The following DOCK6 variants were observed in gnomAD, a reference collection of about 807,000 sequenced individuals.
DOCK6 encodes dedicator of cytokinesis protein 6.
DOCK6 carries 167 observed loss-of-function variants against 230.3 expected under a neutral mutation model. The ratio of observed to expected loss-of-function variants is 0.73; its 90% CI spans 0.64 to 0.82. DOCK6 has a LOEUF of 0.82. DOCK6 is among the 40% of genes least tolerant of loss of function. The pLI, the probability that DOCK6 is intolerant of heterozygous loss-of-function variation, is 0.00. For missense variants in DOCK6, 2,598 were observed against 2,825.8 expected (o/e 0.92, Z 1.83); for synonymous variants, 1,148 against 1,185.0 (o/e 0.97, Z 0.64).
chr19:11,239,506 G>A (rs910621593), intron 14 of DOCK6: 4 of 1,133,686 alleles, frequency 3.5e-6, no homozygotes, highest in South Asian at 2.9e-5. Context: ...TGCAACTATC[G>A]CACCACTGCC....
chr19:11,214,639 C>A lies in DOCK6; in HGVS notation c.4117G>T (p.Glu1373Ter). The A allele has an allele frequency of 6.2e-7, 1 of 1,613,660 alleles. No individual in the cohort carries two copies. Among genetic ancestry groups the A allele is most frequent in the Non-Finnish European group, 8.5e-7 (1 of 1,179,794 alleles). ...TSDRVDKTKD[E>*]MEHEALVEGN... ...TCCACCAAGGCCTCGTGTTCCATTT[C>A]ATCCTTGGTCCTGGAAGGGGAAAGG... The change falls in exon 33 of 48, where the codon GAA becomes TAA. Residue 1373 changes from glutamate (E) to a stop codon, truncating the protein, a stop_gained. Transcript: ENST00000294618. LOFTEE classifies it high-confidence loss of function.
chr19:11,253,800 G>T, intron 1 of DOCK6, 74 bp from the exon 2 acceptor site: 1 of 1,076,210 alleles, frequency 9.3e-7, no homozygotes, highest in Non-Finnish European at 1.3e-6. Flanking sequence ...TTTCTATGAG[G>T]AAAATCCAGA....
chr19:11,240,001 A>G (rs1165863246), intron 14 of DOCK6: 5 of 1,549,884 alleles, frequency 3.2e-6, no homozygotes, highest in Non-Finnish European at 3.5e-6. Flanking sequence ...GTCTAGGGTA[A>G]CCAACCATCC....
At chr19:11,223,132 C>T (rs774574199) in intron 24 of DOCK6, 26 bp from the exon 25 acceptor site, 7 of 1,605,570 alleles carry the variant, frequency 4.4e-6, no homozygotes, top group African/African-American at 1.3e-5. Flanking sequence ...CCTGTCAACC[C>T]ACACACCCAA....
rs763666791 is a variant in DOCK6, at chr19:11,237,672, C to A, written c.1940G>T (p.Gly647Val). ...FYHVSCQPRP[G>V]TALETPVGFT... ...GCCCACGGGTGTCTCCAGGGCAGTG[C>A]CCGGCCGGGGCTGGCAGCTGACATG... Residue 647 changes from glycine (G) to valine (V), a missense_variant, in exon 17 of 48, where the codon GGC becomes GTC. By Grantham distance (109) the Gly-to-Val change is moderately radical. Transcript: ENST00000294618. 1 of 1,597,318 alleles carries A rather than the reference C, an allele frequency of 6.3e-7. No individual in the cohort carries two copies. The highest frequency in any genetic ancestry group is 8.5e-7 in the Non-Finnish European group (1 of 1,172,642).
intron 41 of DOCK6, 96 bp downstream of exon 41, chr19:11,203,985 A>G: frequency 2.0e-6 from 3 of 1,498,892 alleles, no homozygotes; most frequent in South Asian, 1.2e-5. Context: ...GCCAGCGGCC[A>G]TGCTCCTCTG....
chr19:11,249,110 T>G (rs1177668598), intron 6 of DOCK6, among the ~76,000 whole-genome samples: 1 of 152,312 alleles, frequency 6.6e-6, no homozygotes, highest in East Asian at 1.9e-4. Context: ...GTTCAATAGA[T>G]ATTGGTTGAT....
intron 23 of DOCK6, 109 bp from the exon 24 acceptor site, chr19:11,227,586 G>A: frequency 1.5e-6 from 2 of 1,378,488 alleles, no homozygotes; most frequent in Non-Finnish European, 2.0e-6. Flanking sequence ...GAAGGACTGT[G>A]GGTGGGGCTT....
At chr19:11,227,510 TTTGAAGGGCTGTGGGTAGGAC>T (rs1184468425) in intron 23 of DOCK6, 33 bp from the exon 24 acceptor site, 37 of 1,520,874 alleles carry the variant, frequency 2.4e-5, no homozygotes, top group African/African-American at 1.5e-4. Context: ...GTGGGTGGGA[TTTGAAGGGCTGTGGGTAGGAC>T]TTGAAGGGCT....
intron 22 of DOCK6, among the ~76,000 whole-genome samples, chr19:11,231,635 A>G (rs186066386): frequency 1.8e-4 from 27 of 152,290 alleles, no homozygotes; most frequent in African/African-American, 6.3e-4. Flanking sequence ...TGTTATCTCC[A>G]TTTTACAAAT....
At chr19:11,215,016 C>T (rs1209147035) in intron 32 of DOCK6, among the ~76,000 whole-genome samples, 6 of 151,048 alleles carry the variant, frequency 4.0e-5, no homozygotes, top group Admixed American at 3.3e-4. Context: ...GATCTCGGCT[C>T]ACTGTAAGCT....
rs529709882 is a variant in DOCK6, at chr19:11,236,034, C to T, written c.2393-275G>A. 573 of 497,820 alleles carry T rather than the reference C, an allele frequency of 1.2e-3. 1 individual carries two copies. Among genetic ancestry groups the T allele is most frequent in the Non-Finnish European group, 1.7e-3 (477 of 285,052 alleles). 30.8% of individuals were successfully genotyped at this position (497,820 alleles called of 1,614,324 possible). Reference sequence around the variant, plus strand: ...TAGCTGGGATTACAGGCATGCGCCACCACGCCCAGCTAATTTTGTATTTTT... The same window carrying T: ...TAGCTGGGATTACAGGCATGCGCCATCACGCCCAGCTAATTTTGTATTTTT... On this transcript the variant is annotated intron_variant, in intron 20 of 47. Coordinates refer to ENST00000294618, the MANE Select transcript of DOCK6 (RefSeq NM_020812.4). This position sits in a 1 kb window ranked among gnomAD's most constrained non-coding sequence, Gnocchi z 5.2.
At chr19:11,204,997 G>A (rs1254227664) in intron 39 of DOCK6, among the ~76,000 whole-genome samples, 6 of 152,160 alleles carry the variant, frequency 3.9e-5, no homozygotes, top group Non-Finnish European at 7.3e-5. Flanking sequence ...ATTCCCCAGG[G>A]CCAAGACCCA....
rs537635997 is a variant in DOCK6, at chr19:11,233,150, C to T, written c.2718+53G>A. 6.6e-5 allele frequency: 105 copies of T among 1,589,604 alleles called. 2 individuals are homozygous for T. The highest frequency in any genetic ancestry group is 6.4e-4 in the South Asian group (57 of 88,916). On this transcript the variant is annotated intron_variant, in intron 22 of 47. Coordinates refer to ENST00000294618, the MANE Select transcript of DOCK6 (RefSeq NM_020812.4). ...CATCAACAGATTCTTCGCCCACACA[C>T]GTGGCAACCACAACCACTGAGGCTG...
Position 11,202,050 on chromosome 19 carries a change from G to T in DOCK6, c.5527C>A (p.Arg1843Ser). 1.2e-6 allele frequency: 2 copies of T among 1,614,022 alleles called. No individual in the cohort carries two copies. Among genetic ancestry groups the T allele is most frequent in the Non-Finnish European group, 1.7e-6 (2 of 1,179,908 alleles). The stretch of plus-strand genomic sequence containing the variant: ...AGGAATGTGCGAAGCCCATAGTTGC[G>T]GTCAAAGTAGGTCACCCGGTCCTTG... Reference protein sequence around the residue: ...ELKDRVTYFDRNYGLRTFLFC... With the variant: ...ELKDRVTYFDSNYGLRTFLFC... Residue 1843 changes from arginine (R) to serine (S), a missense_variant, in exon 44 of 48, where the codon CGC (arginine) becomes AGC (serine). Arg to Ser is a moderately radical substitution (Grantham distance 110). Coordinates refer to ENST00000294618, the MANE Select transcript of DOCK6 (RefSeq NM_020812.4). The surrounding 1 kb of genome is among the most constrained non-coding windows in gnomAD (Gnocchi z 5.3).
At position 11,245,852 on chromosome 19, in the gene DOCK6, A is replaced by C. The variant is rs763701869; in HGVS notation, c.833T>G (p.Phe278Cys). The C allele has an allele frequency of 6.4e-7, 1 of 1,569,326 alleles. No individual in the cohort carries two copies. The highest frequency in any genetic ancestry group is 8.6e-7 in the Non-Finnish European group (1 of 1,156,694). Reference sequence around the variant, plus strand: ...CACATCATACAGAGCCAAGATCCCAAAGATGGGCTCAATTTCAATCTCGAA... The same window carrying C: ...CACATCATACAGAGCCAAGATCCCACAGATGGGCTCAATTTCAATCTCGAA... ...LKFEIEIEPI[F>C]GILALYDVRE... The change falls in exon 8 of 48, where the codon TTT becomes TGT. Residue 278 changes from phenylalanine (F) to cysteine (C), a missense_variant. Transcript: ENST00000294618.
In DOCK6 at chr19:11,262,453, C is replaced by T; in HGVS notation, c.-13G>A. On this transcript the variant is annotated 5_prime_UTR_variant, in exon 1 of 48. Coordinates refer to ENST00000294618, the MANE Select transcript of DOCK6 (RefSeq NM_020812.4). ...CGGAGGCAGCCATGGTCCTCGCGTCCCGCCGCCGCCGCCCCGGGCCCCGGC... is the reference window on the plus strand; with the variant it reads ...CGGAGGCAGCCATGGTCCTCGCGTCTCGCCGCCGCCGCCCCGGGCCCCGGC... 1 of 1,147,082 alleles carries T rather than the reference C, an allele frequency of 8.7e-7. No homozygotes were observed. The highest frequency in any genetic ancestry group is 4.0e-5 in the East Asian group (1 of 25,116). The allele number at this position is 1,147,082 out of a possible 1,614,324, so 71.1% of individuals were successfully genotyped here.
intron 37 of DOCK6, among the ~76,000 whole-genome samples, chr19:11,209,506 C>T (rs370942386): frequency 1.6e-4 from 24 of 150,284 alleles, no homozygotes; most frequent in Admixed American, 6.6e-4. Context: ...TTGTCTATCC[C>T]CTCACCTGTC....
chr19:11,254,639 G>A (rs572384065), intron 1 of DOCK6, among the ~76,000 whole-genome samples: 2 of 151,058 alleles, frequency 1.3e-5, no homozygotes, highest in East Asian at 3.9e-4. Context: ...TCGAGATCGC[G>A]CCACTGCACC....
Sources: allele counts gnomAD v4.1 joint callset (sites outside exome capture counted in the v4.1 genomes callset), GRCh38; gene constraint gnomAD v4.1.1; non-coding constraint Gnocchi (gnomAD v3.1); transcripts MANE v1.5; gene names NCBI Gene and HGNC (gene_info 2026-07-23, HGNC 2026-07-21).